Variants in MAPK14 observed in about 807,000 individuals in gnomAD.
The protein encoded by MAPK14 is CSAID-binding protein.
A neutral mutation model predicts 49.6 loss-of-function variants in MAPK14; 16 were observed. That is an observed-to-expected ratio of 0.32 (90% confidence interval 0.22 to 0.49). MAPK14 has a LOEUF of 0.49. MAPK14 is among the 20% of genes least tolerant of loss of function. The probability of loss-of-function intolerance (pLI) is 0.99; values close to 1 mark genes in which losing one functional copy is unlikely to be tolerated. For synonymous variants in MAPK14, 142 were observed against 158.0 expected, an observed-to-expected ratio of 0.90 and a Z score of 0.76; for missense variants, 200 against 441.2, an observed-to-expected ratio of 0.45 and a Z score of 4.90.
At chr6:36,062,662 C>CTTTTT (rs67561112) in intron 3 of MAPK14, among the ~76,000 whole-genome samples, 1 of 132,434 alleles carries the variant, frequency 7.6e-6, no homozygotes, top group Admixed American at 8.0e-5. Flanking sequence ...TTTTTCTTTT[C>CTTTTT]TTTTTTTTTT....
chr6:36,070,514 A>G (rs192510518), intron 3 of MAPK14, among the ~76,000 whole-genome samples: 25 of 152,358 alleles, frequency 1.6e-4, no homozygotes, highest in Middle Eastern at 3.4e-3. Context: ...GACACAGAAT[A>G]AGTGCTAGTT....
chr6:36,034,434 G>T (rs959924837), intron 1 of MAPK14, among the ~76,000 whole-genome samples: 1 of 152,118 alleles, frequency 6.6e-6, no homozygotes, highest in Non-Finnish European at 1.5e-5. Context: ...TGCCTCTCCA[G>T]CCCTTTGAAA....
chr6:36,122,536 G>A, the MAPK14 span, among the ~76,000 whole-genome samples: 183 of 152,256 alleles, frequency 1.2e-3, 2 homozygotes, highest in Middle Eastern at 0.017. Context: ...GGAATTCAGT[G>A]ATGAACAAAA....
chr6:36,057,311 CAATTT>C (rs1438920753), intron 2 of MAPK14, among the ~76,000 whole-genome samples: 2 of 151,956 alleles, frequency 1.3e-5, no homozygotes, highest in East Asian at 1.9e-4. Flanking sequence ...GGTGTAACCC[CAATTT>C]AATTTATGTA....
At chr6:36,122,226 G>A in the MAPK14 span, among the ~76,000 whole-genome samples, 2 of 152,234 alleles carry the variant, frequency 1.3e-5, no homozygotes, top group Non-Finnish European at 2.9e-5. Flanking sequence ...AAGGGGTGGA[G>A]CAAGGAGACC....
chr6:36,047,902 ATT>A (rs1258047707), intron 1 of MAPK14, among the ~76,000 whole-genome samples: 1 of 151,904 alleles, frequency 6.6e-6, no homozygotes, highest in Non-Finnish European at 1.5e-5. Flanking sequence ...CACCCAGCTA[ATT>A]TTTTTAAATA....
At chr6:36,033,048 A>G (rs532881969) in intron 1 of MAPK14, among the ~76,000 whole-genome samples, 2 of 152,130 alleles carry the variant, frequency 1.3e-5, no homozygotes. Flanking sequence ...TATTAAGTAT[A>G]CAAGGGTGAC....
intron 8 of MAPK14, among the ~76,000 whole-genome samples, chr6:36,090,725 C>G (rs1765193322): frequency 6.6e-6 from 1 of 152,086 alleles, no homozygotes; most frequent in Non-Finnish European, 1.5e-5. Context: ...CAGGATTTTG[C>G]CATGTTGGCC....
Position 36,028,120 on chromosome 6 carries a change from A to T in MAPK14, c.-38A>T. 1 of 1,470,856 alleles carries T rather than the reference A, an allele frequency of 6.8e-7. No homozygotes were observed. The highest frequency in any genetic ancestry group is 2.3e-5 in the East Asian group (1 of 43,260). The allele number at this position is 1,470,856 out of a possible 1,614,324, so 91.1% of individuals were successfully genotyped here. On this transcript the variant is annotated 5_prime_UTR_variant, in exon 1 of 12. Transcript: ENST00000229794. The surrounding 1 kb of genome is among the most constrained non-coding windows in gnomAD (Gnocchi z 5.1). Reference sequence around the variant, plus strand: ...GGGTGCGGGTGCAGGCGGGGGCCCCACAGGGCCACCTTCTTGCCCGGCGGC... The same window carrying T: ...GGGTGCGGGTGCAGGCGGGGGCCCCTCAGGGCCACCTTCTTGCCCGGCGGC...
chr6:36,093,548 T>G (rs1308767655), intron 8 of MAPK14, among the ~76,000 whole-genome samples: 1 of 151,816 alleles, frequency 6.6e-6, no homozygotes, highest in African/African-American at 2.4e-5. Flanking sequence ...TGAAACCCCG[T>G]CTCTACTAAA....
chr6:36,069,809 G>T (rs550878396), intron 3 of MAPK14, among the ~76,000 whole-genome samples: 56 of 152,208 alleles, frequency 3.7e-4, no homozygotes, highest in African/African-American at 1.2e-3. Context: ...AGCTGTACTT[G>T]AAGTTGCTAT....
chr6:36,113,803 C>T (rs780751621), downstream of MAPK14, among the ~76,000 whole-genome samples: 3 of 152,126 alleles, frequency 2.0e-5, no homozygotes, highest in Admixed American at 2.0e-4. Context: ...ACCTGGGGAA[C>T]CATTCTCAAA....
chr6:36,076,868 TTA>T (rs1321733572), intron 8 of MAPK14: 9 of 332,300 alleles, frequency 2.7e-5, no homozygotes, highest in African/African-American at 1.9e-4. Context: ...CAGTCCCTTA[TTA>T]ATCATCCCAC....
downstream of MAPK14, among the ~76,000 whole-genome samples, chr6:36,114,379 G>T (rs1051595682): frequency 4.6e-5 from 7 of 152,232 alleles, no homozygotes; most frequent in African/African-American, 7.2e-5. Flanking sequence ...CACTTTGGGA[G>T]GCCGAGGTGG....
At chr6:36,045,829 A>G (rs1429238210) in intron 1 of MAPK14, among the ~76,000 whole-genome samples, 2 of 151,142 alleles carry the variant, frequency 1.3e-5, no homozygotes, top group East Asian at 3.9e-4. Context: ...AAAAAAAAAA[A>G]AAAAGAAAGA....
At chr6:36,030,399 C>T (rs1446088024) in intron 1 of MAPK14, among the ~76,000 whole-genome samples, 1 of 152,094 alleles carries the variant, frequency 6.6e-6, no homozygotes, top group Non-Finnish European at 1.5e-5. Context: ...TACAAAGGTA[C>T]TCAGTGGGCC....
chr6:36,048,397 A>T (rs560318608), intron 1 of MAPK14, among the ~76,000 whole-genome samples: 1 of 152,006 alleles, frequency 6.6e-6, no homozygotes, highest in African/African-American at 2.4e-5. Flanking sequence ...GGCTGATCTC[A>T]AACTTCTGGG....
chr6:36,032,210 C>T (rs1372257753), intron 1 of MAPK14, among the ~76,000 whole-genome samples: 1 of 151,938 alleles, frequency 6.6e-6, no homozygotes, highest in African/African-American at 2.4e-5. Context: ...GTAACATTTA[C>T]AAATTATTTT....
chr6:36,122,361 A>G, the MAPK14 span, among the ~76,000 whole-genome samples: 1 of 152,222 alleles, frequency 6.6e-6, no homozygotes, highest in African/African-American at 2.4e-5. Flanking sequence ...GCGGTTTGTC[A>G]GGTCAGCACA....
Sources: allele counts gnomAD v4.1 joint callset (sites outside exome capture counted in the v4.1 genomes callset), GRCh38; gene constraint gnomAD v4.1.1; non-coding constraint Gnocchi (gnomAD v3.1); transcripts MANE v1.5; gene names NCBI Gene and HGNC (gene_info 2026-07-23, HGNC 2026-07-21).